GRK5: variants seen among roughly 807,000 people sequenced by gnomAD.
GRK5 encodes g protein-coupled receptor kinase GRK5.
In GRK5, 40 loss-of-function variants were observed where a neutral mutation model predicts 78.4. The ratio of observed to expected loss-of-function variants is 0.51; its 90% CI spans 0.40 to 0.66. GRK5 has a LOEUF of 0.66. Ranked by LOEUF, GRK5 falls within the 30% of genes least tolerant of loss-of-function variation. The pLI is 0.00. For missense variants in GRK5, 598 were observed against 759.9 expected (o/e 0.79, Z 2.50); for synonymous variants, 289 against 296.8 (o/e 0.97, Z 0.27).
intron 2 of GRK5, among the ~76,000 whole-genome samples, chr10:119,342,498 G>A (rs1386341058): frequency 1.3e-5 from 2 of 152,120 alleles, no homozygotes; most frequent in African/African-American, 4.8e-5. Flanking sequence ...GGAGGGCTGC[G>A]TAGGGTCTGG....
chr10:119,362,876 G>T (rs1430115543), intron 2 of GRK5, among the ~76,000 whole-genome samples: 1 of 152,140 alleles, frequency 6.6e-6, no homozygotes, highest in African/African-American at 2.4e-5. Context: ...CTAAGCTGGT[G>T]AACACTCAGT....
At chr10:119,394,300 G>A (rs1464248461) in intron 3 of GRK5, among the ~76,000 whole-genome samples, 63 of 9,418 alleles carry the variant, frequency 6.7e-3, no homozygotes, top group Non-Finnish European at 9.1e-3. Context: ...GTATCTGTGT[G>A]TCTGTGTGGG....
intron 1 of GRK5, among the ~76,000 whole-genome samples, chr10:119,239,204 G>C (rs1478256625): frequency 6.6e-6 from 1 of 150,634 alleles, no homozygotes; most frequent in African/African-American, 2.4e-5. Flanking sequence ...ACTGCCTTCT[G>C]TCACATGGGG....
At chr10:119,358,061 C>G (rs973699304) in intron 2 of GRK5, among the ~76,000 whole-genome samples, 14 of 152,150 alleles carry the variant, frequency 9.2e-5, no homozygotes, top group African/African-American at 3.4e-4. Flanking sequence ...ACGGATGGCC[C>G]GAAATGGCTT....
At chr10:119,309,272 G>C (rs912683430) in intron 1 of GRK5, among the ~76,000 whole-genome samples, 1 of 152,190 alleles carries the variant, frequency 6.6e-6, no homozygotes, top group Non-Finnish European at 1.5e-5. Context: ...TGCCGCCCAC[G>C]AGCCTGTGAG....
chr10:119,320,646 G>A lies in GRK5; in HGVS notation c.53-5870G>A, dbSNP rs189486219. 2.0e-5 allele frequency among the ~76,000 whole-genome samples: 3 copies of A among 152,350 alleles called. No individual in the cohort carries two copies. In the East Asian group the frequency reaches 5.8e-4, roughly 29 times the overall value. On this transcript the variant is annotated intron_variant, in intron 1 of 15. Coordinates refer to ENST00000392870, the MANE Select transcript of GRK5 (RefSeq NM_005308.3). The stretch of plus-strand genomic sequence containing the variant: ...GTGTGGGTGAGAAACATTCGGAAAG[G>A]TAGGAAGAAGGTGCTCCTGGCAGAA...
At position 119,459,439 on chromosome 10, in the gene GRK5, C is replaced by A. The variant is rs1314883228; in HGVS notation, c.*4372C>A. 1 of 152,242 alleles carries A rather than the reference C, an allele frequency of 6.6e-6. No individual in the cohort carries two copies. Among genetic ancestry groups the A allele is most frequent in the African/African-American group, 2.4e-5 (1 of 41,472 alleles). The allele number at this position is 152,242 out of a possible 1,614,324, so 9.4% of individuals were successfully genotyped here. A position where few individuals can be genotyped will look rare whatever the true frequency, so the allele number is the denominator to read the frequency against. ...GGAATTTAGATGTCTTTCCCTAGTCCATCAAGAAGTCATTTTTGTAACAGT... is the reference window on the plus strand; with the variant it reads ...GGAATTTAGATGTCTTTCCCTAGTCAATCAAGAAGTCATTTTTGTAACAGT... On this transcript the variant is annotated 3_prime_UTR_variant, in exon 16 of 16. Transcript: ENST00000392870.
chr10:119,405,568 C>T (rs974626704), intron 4 of GRK5, among the ~76,000 whole-genome samples: 3 of 152,012 alleles, frequency 2.0e-5, no homozygotes, highest in African/African-American at 7.3e-5. Flanking sequence ...TCCCCACCCC[C>T]ACCCAGGCAC....
In GRK5 at chr10:119,317,603, A is replaced by G. The variant is rs149034958; in HGVS notation, c.53-8913A>G. On this transcript the variant is annotated intron_variant, in intron 1 of 15. Transcript: ENST00000392870. ...TTGCCCTGCCCCTGTGAGTGGCCCT[A>G]TTAATGGCTTTAAGCCTGCCAGGCA... Among the ~76,000 whole-genome samples the G allele has an allele frequency of 1.4e-3, 212 of 152,248 alleles. 1 individual carries two copies. The highest frequency in any genetic ancestry group is 2.3e-3 in the Non-Finnish European group (155 of 68,006).
chr10:119,317,849 T>C (rs902662789), intron 1 of GRK5, among the ~76,000 whole-genome samples: 8 of 152,116 alleles, frequency 5.3e-5, no homozygotes, highest in Non-Finnish European at 8.8e-5. Flanking sequence ...GTCCCGTCAT[T>C]CCTTTTCTCA....
chr10:119,287,402 A>T (rs1849872871), intron 1 of GRK5, among the ~76,000 whole-genome samples: 1 of 143,424 alleles, frequency 7.0e-6, no homozygotes, highest in African/African-American at 2.6e-5. Context: ...GAAGGAAGGG[A>T]GGAAAGAAGG....
chr10:119,240,682 GT>G (rs1215806510), intron 1 of GRK5, among the ~76,000 whole-genome samples: 1 of 151,744 alleles, frequency 6.6e-6, no homozygotes, highest in African/African-American at 2.4e-5. Context: ...TGATGGGGTT[GT>G]TTTTTTCTTG....
chr10:119,436,497 C>G (rs912653280), intron 8 of GRK5, among the ~76,000 whole-genome samples, 154 bp from the exon 9 acceptor site: 1 of 152,228 alleles, frequency 6.6e-6, no homozygotes, highest in African/African-American at 2.4e-5. Flanking sequence ...AAGGAGGCCG[C>G]AGGCAGGGTC....
rs148793804 is a variant in GRK5 at position 119,433,697 on chromosome 10, G to A, written c.738+2170G>A. Among the ~76,000 whole-genome samples, 515 of 152,268 alleles carry A rather than the reference G, an allele frequency of 3.4e-3. 4 individuals are homozygous for A. The highest frequency in any genetic ancestry group is 0.012 in the African/African-American group (493 of 41,546). ...GTTCCCAGCCTGGCCCACGATGGCC[G>A]GGTTTCATGTGTGCCACCTCCCTAT... On this transcript the variant is annotated intron_variant, in intron 8 of 15. Coordinates refer to ENST00000392870, the MANE Select transcript of GRK5 (RefSeq NM_005308.3).
intron 1 of GRK5, among the ~76,000 whole-genome samples, chr10:119,236,155 C>T (rs144841784): frequency 0.016 from 2,444 of 152,284 alleles, 58 homozygotes; most frequent in African/African-American, 0.056. Context: ...GCAGGCTGAT[C>T]ACCTGAGGTC....
chr10:119,359,005 C>T (rs1269097630), intron 2 of GRK5, among the ~76,000 whole-genome samples: 1 of 152,206 alleles, frequency 6.6e-6, no homozygotes, highest in East Asian at 1.9e-4. Flanking sequence ...ATTACCTCCC[C>T]AAAGCCCCAC....
intron 1 of GRK5, among the ~76,000 whole-genome samples, chr10:119,226,280 T>A (rs918668763): frequency 6.9e-6 from 1 of 144,504 alleles, no homozygotes; most frequent in African/African-American, 2.4e-5. Flanking sequence ...GCCTGGCATC[T>A]TCTTCTTTTT....
At chr10:119,368,281 C>G (rs577972893) in intron 2 of GRK5, among the ~76,000 whole-genome samples, 1 of 152,236 alleles carries the variant, frequency 6.6e-6, no homozygotes, top group Admixed American at 6.5e-5. Context: ...GGCTCCTTGG[C>G]GCCCCTCAGA....
chr10:119,393,175 G>A (rs572731460), intron 3 of GRK5, among the ~76,000 whole-genome samples: 1 of 152,286 alleles, frequency 6.6e-6, no homozygotes, highest in South Asian at 2.1e-4. Flanking sequence ...CCCAGCTGGA[G>A]GCCTTCCATC....
Sources: gnomAD v4.1 joint callset for allele counts (sites outside exome capture counted in the v4.1 genomes callset) on GRCh38, gnomAD v4.1.1 for gene constraint, MANE v1.5 for transcripts, NCBI Gene and HGNC (gene_info 2026-07-23, HGNC 2026-07-21) for gene names.